Variants in ROBO2 observed in about 807,000 individuals in gnomAD.
ROBO2 encodes roundabout guidance receptor 2, also known as roundabout homolog 2.
In ROBO2, 53 loss-of-function variants were observed where a neutral mutation model predicts 160.8. The observed-to-expected ratio is 0.33, with a 90% CI of 0.26 to 0.41. The LOEUF (loss-of-function observed/expected upper bound fraction) is 0.41, where lower values mean the gene tolerates loss of function less well. Ranked by LOEUF, ROBO2 falls within the 10% of genes least tolerant of loss-of-function variation. The pLI is 1.00. For synonymous variants in ROBO2, 664 were observed against 611.7 expected (o/e 1.09, Z -1.26); for missense variants, 1,577 against 1,722.4 (o/e 0.92, Z 1.49).
At chr3:76,251,323 A>G (rs536951576) in intron 2 of ROBO2, among the ~76,000 whole-genome samples, 5 of 152,218 alleles carry the variant, frequency 3.3e-5, no homozygotes, top group Middle Eastern at 3.4e-3. Flanking sequence ...GTGAAATGAA[A>G]GAGCCAGATG....
At chr3:77,002,255 A>T (rs1468610312) in intron 2 of ROBO2, among the ~76,000 whole-genome samples, 1 of 151,986 alleles carries the variant, frequency 6.6e-6, no homozygotes, top group Non-Finnish European at 1.5e-5. Context: ...TTCTAAATTT[A>T]TTAATGTTAT....
At chr3:76,654,945 A>G (rs2091435169) in intron 2 of ROBO2, among the ~76,000 whole-genome samples, 2 of 148,608 alleles carry the variant, frequency 1.3e-5, no homozygotes, top group Non-Finnish European at 3.0e-5. Flanking sequence ...ATATAAATTT[A>G]AAGTTCAAAT....
chr3:76,875,655 C>T (rs1250376456), intron 2 of ROBO2, among the ~76,000 whole-genome samples: 4 of 151,926 alleles, frequency 2.6e-5, no homozygotes. Context: ...GACCCTTTTG[C>T]CTCCATCTTT....
At chr3:76,608,444 A>G (rs1188785170) in intron 2 of ROBO2, among the ~76,000 whole-genome samples, 1 of 152,166 alleles carries the variant, frequency 6.6e-6, no homozygotes, top group East Asian at 1.9e-4. Context: ...ATGTTTCGCC[A>G]TACACTCTTG....
At chr3:77,242,243 G>A (rs1218257304) in intron 2 of ROBO2, among the ~76,000 whole-genome samples, 1 of 152,024 alleles carries the variant, frequency 6.6e-6, no homozygotes, top group Non-Finnish European at 1.5e-5. Context: ...TAACCAAAAG[G>A]CAGAATCATG....
chr3:77,623,620 A>ACACCG (rs2094945361), intron 23 of ROBO2, among the ~76,000 whole-genome samples: 2 of 152,192 alleles, frequency 1.3e-5, no homozygotes, highest in Non-Finnish European at 2.9e-5. Flanking sequence ...AGCTGCAGAT[A>ACACCG]CACCGCTGTG....
intron 2 of ROBO2, among the ~76,000 whole-genome samples, chr3:76,056,309 G>C (rs1469399436): frequency 1.3e-5 from 2 of 152,124 alleles, no homozygotes; most frequent in African/African-American, 4.8e-5. Flanking sequence ...AGGGATGACT[G>C]TATTCAGACT....
At chr3:76,115,052 T>TA (rs1224075236) in intron 2 of ROBO2, among the ~76,000 whole-genome samples, 1 of 152,114 alleles carries the variant, frequency 6.6e-6, no homozygotes, top group Non-Finnish European at 1.5e-5. Context: ...AAACAAGATT[T>TA]AAACAATTTT....
chr3:76,228,751 T>C (rs1249419391), intron 2 of ROBO2, among the ~76,000 whole-genome samples: 1 of 152,196 alleles, frequency 6.6e-6, no homozygotes, highest in African/African-American at 2.4e-5. Flanking sequence ...TCATAAGAAC[T>C]CACAGATTTT....
At chr3:76,193,823 C>A (rs889481758) in intron 2 of ROBO2, among the ~76,000 whole-genome samples, 4 of 151,656 alleles carry the variant, frequency 2.6e-5, no homozygotes, top group African/African-American at 9.7e-5. Context: ...TCTTTTTTTT[C>A]TTTTTGAAAC....
In ROBO2 at chr3:77,543,853, TTAAC is replaced by T. The variant is rs1236288706; in HGVS notation, c.935-2481_935-2478del. 2.1e-4 allele frequency among the ~76,000 whole-genome samples: 32 copies of T among 152,270 alleles called. No individual in the cohort carries two copies. The East Asian group carries it at 5.6e-3, about 27-fold the overall frequency. On this transcript the variant is annotated intron_variant, in intron 6 of 25. Transcript: ENST00000461745. ...TCTTTCTGGCCCAAAGCAGTACAAA[TTAAC>T]TAATCAGCTAAATAGGTGATTTTTA...
intron 2 of ROBO2, among the ~76,000 whole-genome samples, chr3:76,842,480 G>T (rs934971013): frequency 2.0e-5 from 3 of 152,120 alleles, no homozygotes; most frequent in Non-Finnish European, 4.4e-5. Flanking sequence ...ATCTAAACTG[G>T]ACTACCAGTT....
chr3:76,371,483 A>G (rs1243589873), intron 2 of ROBO2, among the ~76,000 whole-genome samples: 1 of 151,348 alleles, frequency 6.6e-6, no homozygotes, highest in Non-Finnish European at 1.5e-5. Flanking sequence ...ATAAAGTGAA[A>G]GGGTATTTAC....
intron 2 of ROBO2, among the ~76,000 whole-genome samples, chr3:76,289,255 G>A (rs1029766628): frequency 3.3e-5 from 5 of 152,030 alleles, no homozygotes; most frequent in African/African-American, 1.2e-4. Flanking sequence ...ACCAATGTTG[G>A]GCATTTTTTC....
chr3:76,204,541 A>G (rs1225915608), intron 2 of ROBO2, among the ~76,000 whole-genome samples: 4 of 152,168 alleles, frequency 2.6e-5, no homozygotes, highest in Non-Finnish European at 5.9e-5. Context: ...CTAATCAACT[A>G]TTAATAGCTA....
chr3:76,445,188 A>C (rs779299561), intron 2 of ROBO2, among the ~76,000 whole-genome samples: 2 of 152,224 alleles, frequency 1.3e-5, no homozygotes, highest in Admixed American at 1.3e-4. Flanking sequence ...AGTAGATTAT[A>C]TAAATCATAT....
chr3:76,203,845 C>G (rs371822592), intron 2 of ROBO2, among the ~76,000 whole-genome samples: 2 of 152,170 alleles, frequency 1.3e-5, no homozygotes, highest in East Asian at 1.9e-4. Context: ...ATCGGCTTCC[C>G]GGTCAACAGA....
At chr3:76,873,799 G>T (rs2072400715) in intron 2 of ROBO2, among the ~76,000 whole-genome samples, 1 of 152,158 alleles carries the variant, frequency 6.6e-6, no homozygotes, top group Admixed American at 6.5e-5. Context: ...TTTGACAGAA[G>T]AGCAGCTGAT....
At chr3:76,526,132 A>T (rs1336547998) in intron 2 of ROBO2, among the ~76,000 whole-genome samples, 1 of 152,066 alleles carries the variant, frequency 6.6e-6, no homozygotes, top group Non-Finnish European at 1.5e-5. Context: ...AAGATGATGG[A>T]GTCCAGCTCG....
Sources: gnomAD v4.1 joint callset for allele counts (sites outside exome capture counted in the v4.1 genomes callset) on GRCh38, gnomAD v4.1.1 for gene constraint, MANE v1.5 for transcripts, NCBI Gene and HGNC (gene_info 2026-07-23, HGNC 2026-07-21) for gene names.